The following NAALADL2 variants were observed in gnomAD, a reference collection of about 807,000 sequenced individuals.
NAALADL2 encodes the protein inactive N-acetylated-alpha-linked acidic dipeptidase-like protein 2.
NAALADL2 carries 76 observed loss-of-function variants against 87.2 expected under a neutral mutation model. The observed-to-expected ratio is 0.87, with a 90% CI of 0.72 to 1.05. The LOEUF is 1.05. NAALADL2 is among the 50% of genes least tolerant of loss of function. The probability of loss-of-function intolerance (pLI) is 0.00; values close to 1 mark genes in which losing one functional copy is unlikely to be tolerated. For synonymous variants in NAALADL2, 354 were observed against 331.0 expected (o/e 1.07, Z -0.75); for missense variants, 1,089 against 945.8 (o/e 1.15, Z -1.99).
intron 2 of NAALADL2, among the ~76,000 whole-genome samples, chr3:174,733,939 T>TG (rs1294305977): frequency 3.3e-5 from 5 of 152,048 alleles, no homozygotes; most frequent in African/African-American, 9.7e-5. Flanking sequence ...AGAGGCCTGG[T>TG]GGGGGGTCCT....
At chr3:175,021,103 T>C (rs1198790782) in intron 1 of NAALADL2, among the ~76,000 whole-genome samples, 1 of 152,058 alleles carries the variant, frequency 6.6e-6, no homozygotes, top group East Asian at 1.9e-4. Flanking sequence ...GAGGATGGTA[T>C]GTCAGAATTC....
chr3:175,463,733 A>AGAGAGAGAGAGAGAGAGAGAGG (rs1723546698), intron 7 of NAALADL2, among the ~76,000 whole-genome samples: 1 of 151,582 alleles, frequency 6.6e-6, no homozygotes, highest in African/African-American at 2.4e-5. Flanking sequence ...AGAGAGAGAG[A>AGAGAGAGAGAGAGAGAGAGAGG]GAGGTGGGGA....
intron 2 of NAALADL2, among the ~76,000 whole-genome samples, chr3:174,711,823 A>G (rs1730662096): frequency 6.6e-6 from 1 of 152,158 alleles, no homozygotes; most frequent in South Asian, 2.1e-4. Flanking sequence ...TGTTCTTGAG[A>G]AAGTCTCTTT....
chr3:175,664,113 A>G (rs1732643124), intron 11 of NAALADL2, among the ~76,000 whole-genome samples: 1 of 152,068 alleles, frequency 6.6e-6, no homozygotes, highest in Non-Finnish European at 1.5e-5. Flanking sequence ...TAAGACTGTT[A>G]TAATATTTTA....
chr3:174,824,635 A>T (rs766928959), intron 3 of NAALADL2, among the ~76,000 whole-genome samples: 1 of 152,236 alleles, frequency 6.6e-6, no homozygotes, highest in Non-Finnish European at 1.5e-5. Flanking sequence ...TAGTTTATTA[A>T]CCAGAAGCTA....
Position 175,389,900 on chromosome 3 carries a change from AT to A in NAALADL2, c.1091-57327del, listed in dbSNP as rs528076719. Among the ~76,000 whole-genome samples, 22 of 152,314 alleles carry A rather than the reference AT, an allele frequency of 1.4e-4. No individual in the cohort carries two copies. The East Asian group carries it at 3.9e-3, about 27-fold the overall frequency. ...CTGAAGCTCAAGAAGTCAAAGACTA[AT>A]TGAATTCTAAAGCAGAATGAAACCC... is the stretch of plus-strand genomic sequence containing the variant. On this transcript the variant is annotated intron_variant, in intron 5 of 13. Transcript: ENST00000454872.
intron 1 of NAALADL2, among the ~76,000 whole-genome samples, chr3:174,864,718 ATTAC>A (rs1391171511): frequency 6.6e-6 from 1 of 152,126 alleles, no homozygotes; most frequent in Non-Finnish European, 1.5e-5. Context: ...AAATGTAATT[ATTAC>A]TTTGTATGCT....
chr3:174,493,067 A>G (rs1718302326), intron 1 of NAALADL2, among the ~76,000 whole-genome samples: 1 of 152,220 alleles, frequency 6.6e-6, no homozygotes, highest in Admixed American at 6.5e-5. Context: ...CTGGATCATT[A>G]TGTAGAAACA....
intron 9 of NAALADL2, among the ~76,000 whole-genome samples, chr3:175,518,087 A>G (rs1268189932): frequency 6.6e-6 from 1 of 152,160 alleles, no homozygotes; most frequent in Non-Finnish European, 1.5e-5. Context: ...TTAGTGGCAC[A>G]ACTGTCAGCA....
At chr3:175,314,610 A>G (rs1758811612) in intron 4 of NAALADL2, among the ~76,000 whole-genome samples, 1 of 118,064 alleles carries the variant, frequency 8.5e-6, no homozygotes, top group African/African-American at 3.1e-5. Context: ...GGCTATACAT[A>G]CTGTAAAATA....
intron 5 of NAALADL2, among the ~76,000 whole-genome samples, chr3:175,354,755 G>A (rs959954352): frequency 3.3e-5 from 5 of 151,746 alleles, no homozygotes; most frequent in Non-Finnish European, 7.4e-5. Flanking sequence ...TGGGTCTCAA[G>A]TGATCCTCCT....
rs1017072097 is a variant in NAALADL2, at chr3:174,851,553, C to T, written c.-9+113807C>T. On this transcript the variant is annotated intron_variant, in intron 3 of 3. Coordinates refer to the NAALADL2 transcript ENST00000434257. ...AAATTCCTAGACATGTCCAACCTAC[C>T]AGTGTTGAACTATGAATAACTTTAT... Among the ~76,000 whole-genome samples the T allele has an allele frequency of 4.6e-5, 7 of 152,006 alleles. No homozygotes were observed. The South Asian group carries it at 1.2e-3, about 27-fold the overall frequency.
intron 1 of NAALADL2, among the ~76,000 whole-genome samples, chr3:174,520,360 T>C (rs1190718860): frequency 6.6e-6 from 1 of 152,048 alleles, no homozygotes; most frequent in Non-Finnish European, 1.5e-5. Context: ...GGTACAAAAA[T>C]AGGATCAGAT....
intron 2 of NAALADL2, among the ~76,000 whole-genome samples, chr3:174,660,755 A>G (rs1200493980): frequency 1.3e-5 from 2 of 152,126 alleles, no homozygotes; most frequent in Non-Finnish European, 2.9e-5. Flanking sequence ...AAAGAACATA[A>G]TTTTTGCCTT....
At chr3:175,653,774 T>C (rs1358271765) in intron 11 of NAALADL2, among the ~76,000 whole-genome samples, 1 of 152,192 alleles carries the variant, frequency 6.6e-6, no homozygotes, top group East Asian at 1.9e-4. Context: ...AGGTTCTCTC[T>C]TTGGGGTTTT....
chr3:175,017,178 T>TC (rs1456204766), intron 1 of NAALADL2, among the ~76,000 whole-genome samples: 6 of 150,834 alleles, frequency 4.0e-5, no homozygotes, highest in Non-Finnish European at 8.8e-5. Context: ...CTTTTTTTTT[T>TC]CCCTCACATT....
intron 11 of NAALADL2, among the ~76,000 whole-genome samples, chr3:175,653,239 C>T (rs1299523840): frequency 6.6e-6 from 1 of 151,882 alleles, no homozygotes; most frequent in African/African-American, 2.4e-5. Context: ...AAAAAAAAAT[C>T]AGTGTAACTT....
chr3:175,101,638 T>A (rs1162276413), intron 2 of NAALADL2, among the ~76,000 whole-genome samples: 1 of 152,196 alleles, frequency 6.6e-6, no homozygotes, highest in Non-Finnish European at 1.5e-5. Flanking sequence ...CTGAAGATCA[T>A]AAGCAAATTT....
intron 4 of NAALADL2, among the ~76,000 whole-genome samples, chr3:175,275,421 A>G (rs374318928): frequency 6.6e-6 from 1 of 152,046 alleles, no homozygotes; most frequent in Non-Finnish European, 1.5e-5. Context: ...GAAAACTAAA[A>G]TCTCACATGG....
Sources: allele counts gnomAD v4.1 joint callset (sites outside exome capture counted in the v4.1 genomes callset), GRCh38; gene constraint gnomAD v4.1.1; transcripts MANE v1.5; gene names NCBI Gene and HGNC (gene_info 2026-07-23, HGNC 2026-07-21).